Variants in NGF observed in about 807,000 individuals in gnomAD.
NGF encodes beta-nerve growth factor.
In NGF, 4 loss-of-function variants were observed where a neutral mutation model predicts 12.8. The ratio of observed to expected loss-of-function variants is 0.31; its 90% confidence interval spans 0.15 to 0.72. The LOEUF is 0.72. Among genes scored for constraint, NGF ranks in the 30% least tolerant of loss-of-function variants. The pLI, the probability that NGF is intolerant of heterozygous loss-of-function variation, is 0.69. For missense variants in NGF, 283 were observed against 330.8 expected, an observed-to-expected ratio of 0.86 and a Z score of 1.12; for synonymous variants, 140 against 130.0, an observed-to-expected ratio of 1.08 and a Z score of -0.52.
intron 1 of NGF, among the ~76,000 whole-genome samples, chr1:115,302,766 C>T (rs1198355937): frequency 6.6e-6 from 1 of 152,198 alleles, no homozygotes; most frequent in Non-Finnish European, 1.5e-5. Flanking sequence ...TCCCTCTGTG[C>T]CGCAGCCACC....
intron 1 of NGF, among the ~76,000 whole-genome samples, chr1:115,299,861 T>C (rs560028604): frequency 2.6e-5 from 4 of 152,302 alleles, no homozygotes; most frequent in Admixed American, 2.0e-4. Context: ...TTCCCATACT[T>C]AGGACTAATA....
chr1:115,305,779 T>A (rs2101037001), intron 1 of NGF, among the ~76,000 whole-genome samples: 1 of 152,330 alleles, frequency 6.6e-6, no homozygotes, highest in South Asian at 2.1e-4. Context: ...TACTGAGAAA[T>A]TTATAGAAAT....
At chr1:115,323,464 A>G (rs1049500272) in intron 1 of NGF, among the ~76,000 whole-genome samples, 18 of 152,174 alleles carry the variant, frequency 1.2e-4, no homozygotes, top group Non-Finnish European at 2.4e-4. Context: ...GATGGTCAGC[A>G]CAGGCTGTTT....
At chr1:115,331,262 T>C (rs1654913941) in intron 1 of NGF, among the ~76,000 whole-genome samples, 1 of 152,134 alleles carries the variant, frequency 6.6e-6, no homozygotes. Context: ...TTACAGGGGT[T>C]AAGTAATGTG....
At chr1:115,321,913 T>C (rs947048921) in intron 1 of NGF, among the ~76,000 whole-genome samples, 1 of 152,258 alleles carries the variant, frequency 6.6e-6, no homozygotes, top group African/African-American at 2.4e-5. Context: ...GAGTAGTGCA[T>C]GCACACAGTG....
Position 115,286,426 on chromosome 1 carries a change from A to T in NGF, c.370T>A (p.Ser124Thr), listed in dbSNP as rs145691700. Residue 124 changes from serine to threonine, a missense_variant, in exon 3 of 3, where the codon TCC becomes ACC. Around this residue, in one of 2 missense-constraint regions of NGF, gnomAD observed 132 missense variants for 189.2 expected, o/e 0.70. Coordinates refer to ENST00000369512, the MANE Select transcript of NGF (RefSeq NM_002506.3). ...TCGCCCCTGTGGAAGATGGGATGGG[A>T]TGATGACCGCTTGCTCCTGTGAGTC... ...NRTHRSKRSS[S>T]HPIFHRGEFS... The T allele has an allele frequency of 2.5e-6, 4 of 1,613,108 alleles. No individual in the cohort carries two copies. In the African/African-American group the frequency reaches 4.0e-5, roughly 16 times the overall value.
At chr1:115,336,459 TTCTGTGTGAG>T (rs1222671443) in intron 1 of NGF, among the ~76,000 whole-genome samples, 4 of 152,168 alleles carry the variant, frequency 2.6e-5, no homozygotes, top group African/African-American at 9.7e-5. Context: ...AATGTTCACT[TTCTGTGTGAG>T]TCAATTCCAG....
intron 2 of NGF, among the ~76,000 whole-genome samples, chr1:115,291,982 G>A (rs1278229931): frequency 1.3e-5 from 2 of 152,148 alleles, no homozygotes; most frequent in Admixed American, 1.3e-4. Flanking sequence ...GGTGAGAGAG[G>A]AAATTCTTGT....
chr1:115,336,320 C>T (rs1431545757), intron 1 of NGF, among the ~76,000 whole-genome samples: 1 of 152,202 alleles, frequency 6.6e-6, no homozygotes, highest in African/African-American at 2.4e-5. Flanking sequence ...TGTTCTCATG[C>T]CCCAGTGATC....
At chr1:115,295,322 CA>C (rs1276286155) in intron 1 of NGF, among the ~76,000 whole-genome samples, 1 of 152,134 alleles carries the variant, frequency 6.6e-6, no homozygotes, top group African/African-American at 2.4e-5. Context: ...CTTCTTGCTC[CA>C]GAAAGTACCA....
At chr1:115,291,417 A>G (rs1355256996) in intron 2 of NGF, among the ~76,000 whole-genome samples, 1 of 152,238 alleles carries the variant, frequency 6.6e-6, no homozygotes, top group Non-Finnish European at 1.5e-5. Flanking sequence ...TCTCCTGAAC[A>G]GATGACAGCT....
chr1:115,327,331 C>A (rs1654804638), intron 1 of NGF, among the ~76,000 whole-genome samples: 1 of 152,208 alleles, frequency 6.6e-6, no homozygotes, highest in Non-Finnish European at 1.5e-5. Context: ...TGCTTTCTGA[C>A]ATCTCCTGCT....
chr1:115,327,575 C>G (rs946764963), intron 1 of NGF, among the ~76,000 whole-genome samples: 1 of 152,186 alleles, frequency 6.6e-6, no homozygotes, highest in Non-Finnish European at 1.5e-5. Flanking sequence ...TCGTTTCATG[C>G]GTAAGAAACA....
rs777773454 is a variant in NGF, at chr1:115,286,785, A to G, written c.11T>C (p.Leu4Ser). 1 of 1,614,188 alleles carries G rather than the reference A, an allele frequency of 6.2e-7. No individual in the cohort carries two copies. Among genetic ancestry groups the G allele is most frequent in the South Asian group, 1.1e-5 (1 of 91,088 alleles). The change falls in exon 3 of 3, where the codon TTG becomes TCG. Residue 4 changes from leucine to serine, a missense_variant. Leu to Ser is a moderately radical substitution (Grantham distance 145). This residue lies in a region of NGF where 151 missense variants were observed against 141.6 expected (regional missense o/e 1.07). Transcript: ENST00000369512. MSM[L>S]FYTLITAFLI... ...AAAAGCTGTGATCAGAGTGTAGAACAACATGGACATTACGCTATGCACCTG... is the reference window on the plus strand; with the variant it reads ...AAAAGCTGTGATCAGAGTGTAGAACGACATGGACATTACGCTATGCACCTG...
chr1:115,311,388 A>G (rs1654331720), intron 1 of NGF, among the ~76,000 whole-genome samples: 1 of 152,170 alleles, frequency 6.6e-6, no homozygotes, highest in African/African-American at 2.4e-5. Context: ...TGCTCAGTAA[A>G]CAGACAGCAC....
intron 1 of NGF, among the ~76,000 whole-genome samples, chr1:115,304,329 A>ATATTTTTTT (rs1654135883): frequency 4.9e-5 from 4 of 80,828 alleles, no homozygotes; most frequent in African/African-American, 1.7e-4. Flanking sequence ...TGCTTGGCTA[A>ATATTTTTTT]TTTTTTTTTT....
chr1:115,296,736 CTAAA>C (rs772818653), intron 1 of NGF, among the ~76,000 whole-genome samples: 17 of 152,206 alleles, frequency 1.1e-4, no homozygotes, highest in Non-Finnish European at 2.1e-4. Context: ...TAATGAAACT[CTAAA>C]TGATTTTTAT....
chr1:115,329,390 C>T (rs1445775864), intron 1 of NGF, among the ~76,000 whole-genome samples: 1 of 152,190 alleles, frequency 6.6e-6, no homozygotes, highest in Non-Finnish European at 1.5e-5. Flanking sequence ...TACCCAAGAT[C>T]ACACAACTGC....
intron 1 of NGF, among the ~76,000 whole-genome samples, chr1:115,306,653 G>T (rs1280690007): frequency 6.6e-6 from 1 of 152,212 alleles, no homozygotes; most frequent in Non-Finnish European, 1.5e-5. Flanking sequence ...CAAATTGGTG[G>T]TTTTCATTGC....
Sources: gnomAD v4.1 joint callset for allele counts (sites outside exome capture counted in the v4.1 genomes callset) on GRCh38, gnomAD v4.1.1 for gene constraint, gnomAD v4.1.1 regional missense constraint, MANE v1.5 for transcripts, NCBI Gene and HGNC (gene_info 2026-07-23, HGNC 2026-07-21) for gene names.